The following H2BC4 variants were observed in gnomAD, a reference collection of about 807,000 sequenced individuals.
H2BC4 encodes H2B clustered histone 4, also known as histone H2B type 1-C/E/F/G/I.
Under a neutral mutation model 6.2 loss-of-function variants are expected in H2BC4, and 10 were observed. That is an observed-to-expected ratio of 1.61 (90% CI 0.99 to 2.73). H2BC4 has a LOEUF of 2.73. Ranked by LOEUF, H2BC4 falls within the 30% of genes most tolerant of loss-of-function variation. The pLI is 0.00. For synonymous variants in H2BC4, 146 were observed against 70.7 expected, an observed-to-expected ratio of 2.07 and a Z score of -5.35; for missense variants, 176 against 168.7, an observed-to-expected ratio of 1.04 and a Z score of -0.24.
downstream of H2BC4, among the ~76,000 whole-genome samples, chr6:26,122,338 T>C (rs1763510889): frequency 6.6e-6 from 1 of 152,230 alleles, no homozygotes; most frequent in South Asian, 2.1e-4. Flanking sequence ...CTAATTTTAT[T>C]TATTGTATAT....
intron 1 of H2BC4, among the ~76,000 whole-genome samples, chr6:26,116,400 A>G (rs2113793935): frequency 6.6e-6 from 1 of 152,280 alleles, no homozygotes; most frequent in South Asian, 2.1e-4. Context: ...TCCTCCTCAG[A>G]ACTGAAGTGG....
At chr6:26,115,609 T>C (rs1261532839) in intron 1 of H2BC4, among the ~76,000 whole-genome samples, 2 of 152,164 alleles carry the variant, frequency 1.3e-5, no homozygotes, top group Admixed American at 6.6e-5. Context: ...GTGGGGACTG[T>C]CTGATTTTTA....
Position 26,123,530 on chromosome 6 carries a change from G to A in H2BC4, c.375C>T (p.Ser125=). The A allele has an allele frequency of 6.2e-7, 1 of 1,614,250 alleles. No individual in the cohort carries two copies. Among genetic ancestry groups the A allele is most frequent in the Non-Finnish European group, 8.5e-7 (1 of 1,180,046 alleles). The change falls in exon 1 of 1, where the codon TCC becomes TCT. Residue 125 remains serine, a synonymous_variant. Coordinates refer to ENST00000396984, the MANE Select transcript of H2BC4 (RefSeq NM_003526.3). The stretch of plus-strand genomic sequence containing the variant: ...AGACGCTTACTTGGAATGTTTACTT[G>A]GAGCTGGTGTACTTGGTGACGGCCT... ...GTKAVTKYTS[S]K
chr6:26,120,820 C>T (rs927506574), downstream of H2BC4, among the ~76,000 whole-genome samples: 2 of 152,062 alleles, frequency 1.3e-5, no homozygotes, highest in Non-Finnish European at 2.9e-5. Flanking sequence ...TTTCTTCTGT[C>T]CTCTAACCTT....
At chr6:26,118,824 A>G (rs1235767157), downstream of H2BC4, among the ~76,000 whole-genome samples, 1 of 152,214 alleles carries the variant, frequency 6.6e-6, no homozygotes, top group Non-Finnish European at 1.5e-5. Flanking sequence ...TCTGAAGTAT[A>G]AAAGCAGTAT....
downstream of H2BC4, among the ~76,000 whole-genome samples, chr6:26,113,758 G>T (rs1763387183): frequency 6.6e-6 from 1 of 152,112 alleles, no homozygotes; most frequent in Non-Finnish European, 1.5e-5. Context: ...TAGCATGGCT[G>T]GATTCTGTTG....
downstream of H2BC4, among the ~76,000 whole-genome samples, chr6:26,119,982 A>G (rs1763478503): frequency 6.6e-6 from 1 of 152,114 alleles, no homozygotes; most frequent in African/African-American, 2.4e-5. Flanking sequence ...TTTTCTCTTA[A>G]TTAGAACTTA....
chr6:26,119,122 C>T (rs1448615958), downstream of H2BC4, among the ~76,000 whole-genome samples: 1 of 151,724 alleles, frequency 6.6e-6, no homozygotes, highest in Admixed American at 6.6e-5. Flanking sequence ...TTTGGATTAA[C>T]CATAGCCCTT....
At chr6:26,113,216 C>G (rs1431014824), downstream of H2BC4, among the ~76,000 whole-genome samples, 1 of 152,230 alleles carries the variant, frequency 6.6e-6, no homozygotes, top group Non-Finnish European at 1.5e-5. Context: ...AATTTACAGT[C>G]TATCAGCAGT....
chr6:26,123,814 T>G lies in H2BC4; in HGVS notation c.91A>C (p.Lys31Gln). The change falls in exon 1 of 1, where the codon AAG (lysine) becomes CAG (glutamine). Residue 31 changes from lysine (K) to glutamine (Q), a missense_variant. Lys to Gln is a moderately conservative substitution (Grantham distance 53). Transcript: ENST00000396984. ...KAQKKDGKKRKRSRKESYSVY... is the reference protein window; with the variant it reads ...KAQKKDGKKRQRSRKESYSVY... ...GAGTAACTCTCCTTGCGGCTGCGCT[T>G]GCGCTTCTTGCCATCTTTCTTCTGC... The G allele has an allele frequency of 6.2e-7, 1 of 1,614,272 alleles. No homozygotes were observed. The highest frequency in any genetic ancestry group is 8.5e-7 in the Non-Finnish European group (1 of 1,180,052).
chr6:26,122,909 A>C (rs1244298980), downstream of H2BC4, among the ~76,000 whole-genome samples: 1 of 152,190 alleles, frequency 6.6e-6, no homozygotes, highest in Non-Finnish European at 1.5e-5. Flanking sequence ...GTTGTTATCA[A>C]AACTGACGCA....
In H2BC4 at chr6:26,123,784, A is replaced by T; in HGVS notation, c.121T>A (p.Tyr41Asn). ...ACCTGTTTCAGCACCTTGTACACGTACACAGAGTAACTCTCCTTGCGGCTG... is the reference window on the plus strand; with the variant it reads ...ACCTGTTTCAGCACCTTGTACACGTTCACAGAGTAACTCTCCTTGCGGCTG... ...KRSRKESYSV[Y>N]VYKVLKQVHP... Residue 41 changes from tyrosine (Y) to asparagine (N), a missense_variant, in exon 1 of 1, where the codon TAC (tyrosine) becomes AAC (asparagine). Tyr to Asn is a moderately radical substitution (Grantham distance 143). Coordinates refer to ENST00000396984, the MANE Select transcript of H2BC4 (RefSeq NM_003526.3). The T allele has an allele frequency of 6.2e-7, 1 of 1,614,278 alleles. No homozygotes were observed. The highest frequency in any genetic ancestry group is 8.5e-7 in the Non-Finnish European group (1 of 1,180,056).
rs780153724 is a variant in H2BC4 at position 26,123,520 on chromosome 6, A to G, written c.*4T>C. On this transcript the variant is annotated 3_prime_UTR_variant, in exon 1 of 1. Coordinates refer to ENST00000396984, the MANE Select transcript of H2BC4 (RefSeq NM_003526.3). ...TTAGGTGTTAAGACGCTTACTTGGA[A>G]TGTTTACTTGGAGCTGGTGTACTTG... 7 of 1,614,008 alleles carry G rather than the reference A, an allele frequency of 4.3e-6. No individual in the cohort carries two copies. In the African/African-American group the frequency reaches 6.7e-5, roughly 15 times the overall value.
Position 26,123,641 on chromosome 6 carries a change from C to T in H2BC4, c.264G>A (p.Ser88=), listed in dbSNP as rs1194929741. The T allele has an allele frequency of 2.5e-6, 4 of 1,614,132 alleles. No individual in the cohort carries two copies. In the South Asian group the frequency reaches 3.3e-5, roughly 13 times the overall value. The part of the protein sequence containing the change: ...ASRLAHYNKR[S]TITSREIQTA... ...TCTGGATCTCCCTGGAGGTGATGGT[C>T]GAGCGCTTGTTGTAATGCGCCAGGC... Residue 88 remains serine (S), a synonymous_variant, in exon 1 of 1, where the codon TCG becomes TCA. Coordinates refer to ENST00000396984, the MANE Select transcript of H2BC4 (RefSeq NM_003526.3).
At chr6:26,118,062 T>TC (rs1160435219) in intron 1 of H2BC4, among the ~76,000 whole-genome samples, 1 of 152,234 alleles carries the variant, frequency 6.6e-6, no homozygotes, top group Non-Finnish European at 1.5e-5. Flanking sequence ...CCAGAGTTTT[T>TC]CAACTCCTCC....
downstream of H2BC4, among the ~76,000 whole-genome samples, chr6:26,113,860 CCT>C (rs1040374735): frequency 9.5e-5 from 11 of 116,052 alleles, no homozygotes; most frequent in African/African-American, 3.4e-4. Context: ...TCCCTCTCTT[CCT>C]CTTTTTTTTT....
downstream of H2BC4, among the ~76,000 whole-genome samples, chr6:26,118,744 T>G (rs1411512476): frequency 6.6e-6 from 1 of 152,220 alleles, no homozygotes; most frequent in Non-Finnish European, 1.5e-5. Flanking sequence ...CAGAACTGTA[T>G]TTTTAGTGAT....
At chr6:26,122,259 C>T (rs1763508681), downstream of H2BC4, among the ~76,000 whole-genome samples, 2 of 152,110 alleles carry the variant, frequency 1.3e-5, no homozygotes, top group South Asian at 4.1e-4. Context: ...TAAGATCACA[C>T]AGTCCTTATG....
At chr6:26,118,599 G>A (rs1763455520), downstream of H2BC4, among the ~76,000 whole-genome samples, 1 of 152,164 alleles carries the variant, frequency 6.6e-6, no homozygotes, top group South Asian at 2.1e-4. Context: ...ACAGATAATG[G>A]AGAAAAGGAC....
Sources: gnomAD v4.1 joint callset for allele counts (sites outside exome capture counted in the v4.1 genomes callset) on GRCh38, gnomAD v4.1.1 for gene constraint, MANE v1.5 for transcripts, NCBI Gene and HGNC (gene_info 2026-07-23, HGNC 2026-07-21) for gene names.